The following HPSE2 variants were observed in gnomAD, a reference collection of about 807,000 sequenced individuals.
HPSE2 encodes the protein heparanase 2 (inactive).
In HPSE2, 38 loss-of-function variants were observed where a neutral mutation model predicts 60.5. The observed-to-expected ratio is 0.63, with a 90% CI of 0.48 to 0.82. The LOEUF is 0.82. Among genes scored for constraint, HPSE2 ranks in the 40% least tolerant of loss-of-function variants. The pLI is 0.00. For missense variants in HPSE2, 713 were observed against 740.4 expected (o/e 0.96, Z 0.43); for synonymous variants, 295 against 293.2 (o/e 1.01, Z -0.06).
chr10:99,052,952 CAT>C, intron 3 of HPSE2, among the ~76,000 whole-genome samples: 2 of 150,376 alleles, frequency 1.3e-5, no homozygotes, highest in Non-Finnish European at 3.0e-5. Flanking sequence ...GAAATTCAAA[CAT>C]ATAAAGAGAA....
intron 3 of HPSE2, among the ~76,000 whole-genome samples, chr10:99,010,592 A>G (rs1321859710): frequency 2.0e-5 from 3 of 152,194 alleles, no homozygotes; most frequent in Admixed American, 6.5e-5. Flanking sequence ...TGAGAGGCCA[A>G]CCTATTCTGG....
At chr10:99,104,519 C>G (rs558749771) in intron 3 of HPSE2, among the ~76,000 whole-genome samples, 1 of 152,250 alleles carries the variant, frequency 6.6e-6, no homozygotes, top group Non-Finnish European at 1.5e-5. Flanking sequence ...CCTCAACAAT[C>G]TAGAACTAGA....
chr10:99,055,434 G>C (rs1009339563), intron 3 of HPSE2, among the ~76,000 whole-genome samples: 1 of 152,072 alleles, frequency 6.6e-6, no homozygotes, highest in African/African-American at 2.4e-5. Context: ...GAAGAAGAGA[G>C]GGAAGAAATT....
In HPSE2 at chr10:98,459,856, T is replaced by C. The variant is rs565152827; in HGVS notation, c.1614-117A>G. 16 of 971,818 alleles carry C rather than the reference T, an allele frequency of 1.6e-5. No individual in the cohort carries two copies. In the South Asian group the frequency reaches 1.8e-4, roughly 11 times the overall value. The allele number at this position is 971,818 out of a possible 1,614,324, so 60.2% of individuals were successfully genotyped here. ...GATACACACACACAGCTGACACTTA[T>C]TGTTACTGGCTATGCCCTAGATTCT... On this transcript the variant is annotated intron_variant, in intron 11 of 11. Transcript: ENST00000370552.
At chr10:98,490,624 C>T (rs1257072000) in intron 9 of HPSE2, among the ~76,000 whole-genome samples, 1 of 152,108 alleles carries the variant, frequency 6.6e-6, no homozygotes, top group African/African-American at 2.4e-5. Flanking sequence ...TTGTTACTAA[C>T]ATGATCATCC....
At position 98,929,925 on chromosome 10, in the gene HPSE2, A is replaced by C. The variant is rs562200967; in HGVS notation, c.611-185869T>G. 1.4e-5 allele frequency among the ~76,000 whole-genome samples: 2 copies of C among 144,204 alleles called. 1 individual carries two copies. The highest frequency in any genetic ancestry group is 3.0e-5 in the Non-Finnish European group (2 of 67,166). The allele number at this position is 144,204 out of a possible 152,430, so 94.6% of individuals were successfully genotyped here. ...CATAGCCAATAAAATTTCAGTGCCCATAAATAAAGTTTTATTGGCTATTGG... is the reference window on the plus strand; with the variant it reads ...CATAGCCAATAAAATTTCAGTGCCCCTAAATAAAGTTTTATTGGCTATTGG... On this transcript the variant is annotated intron_variant, in intron 3 of 11. Transcript: ENST00000370552.
intron 2 of HPSE2, among the ~76,000 whole-genome samples, chr10:99,156,534 T>G (rs1445720489): frequency 9.9e-5 from 13 of 131,108 alleles, no homozygotes; most frequent in African/African-American, 3.3e-4. Flanking sequence ...GAAAAAGCCT[T>G]TGACAAAATT....
intron 10 of HPSE2, among the ~76,000 whole-genome samples, chr10:98,487,335 A>T (rs1205086954): frequency 6.6e-6 from 1 of 152,214 alleles, no homozygotes; most frequent in East Asian, 1.9e-4. Context: ...ACTCTACAAG[A>T]TCAGAAATGA....
intron 7 of HPSE2, among the ~76,000 whole-genome samples, chr10:98,624,044 T>G (rs1049155012): frequency 2.3e-4 from 35 of 152,308 alleles, no homozygotes; most frequent in African/African-American, 7.9e-4. Context: ...AACTAATTCA[T>G]TCAACAAATA....
At chr10:98,606,924 A>T (rs2133957274) in intron 9 of HPSE2, among the ~76,000 whole-genome samples, 1 of 152,302 alleles carries the variant, frequency 6.6e-6, no homozygotes, top group East Asian at 1.9e-4. Context: ...TGTGCCCTTA[A>T]TGTTTGCCAA....
In HPSE2 at chr10:98,493,722, T is replaced by C. The variant is rs536935411; in HGVS notation, c.1321-3526A>G. ...GTGCAGACAGCATAGAGTTGGATCC[T>C]GTTTTTCTTTTAAAATCTTTTCTGC... On this transcript the variant is annotated intron_variant, in intron 9 of 11. Transcript: ENST00000370552. Among the ~76,000 whole-genome samples the C allele has an allele frequency of 1.8e-4, 28 of 152,322 alleles. 2 individuals are homozygous for C. In the South Asian group the frequency reaches 5.8e-3, roughly 32 times the overall value.
At chr10:99,217,997 C>T (rs1849191404) in intron 2 of HPSE2, among the ~76,000 whole-genome samples, 1 of 152,000 alleles carries the variant, frequency 6.6e-6, no homozygotes, top group African/African-American at 2.4e-5. Context: ...GTAGCTGCCT[C>T]GTTGGGGTGT....
At chr10:99,037,266 G>A (rs1167332096) in intron 3 of HPSE2, among the ~76,000 whole-genome samples, 1 of 152,038 alleles carries the variant, frequency 6.6e-6, no homozygotes, top group Non-Finnish European at 1.5e-5. Context: ...TAGATCCTGG[G>A]ACACAAAAAG....
chr10:99,067,054 C>T lies in HPSE2; in HGVS notation c.610+77184G>A, dbSNP rs1393775809. On this transcript the variant is annotated intron_variant, in intron 3 of 11. Transcript: ENST00000370552. The stretch of plus-strand genomic sequence containing the variant: ...AGGAGCTATAGACCCTATGCAAATC[C>T]AAAATCCAATGGGGCAGTCAAATAT... Among the ~76,000 whole-genome samples the T allele has an allele frequency of 1.3e-5, 2 of 152,138 alleles. 1 individual carries two copies. Among genetic ancestry groups the T allele is most frequent in the Non-Finnish European group, 2.9e-5 (2 of 68,020 alleles).
At chr10:98,820,024 A>T (rs1439755201) in intron 3 of HPSE2, among the ~76,000 whole-genome samples, 1 of 152,140 alleles carries the variant, frequency 6.6e-6, no homozygotes, top group Non-Finnish European at 1.5e-5. Flanking sequence ...TTTTATAGTG[A>T]CATACTTTTA....
chr10:98,616,951 C>A (rs1945928231), intron 8 of HPSE2, among the ~76,000 whole-genome samples: 1 of 152,180 alleles, frequency 6.6e-6, no homozygotes, highest in African/African-American at 2.4e-5. Context: ...TGTGGTAGAA[C>A]TATAACATGA....
intron 3 of HPSE2, among the ~76,000 whole-genome samples, chr10:98,943,514 AC>A (rs1178018468): frequency 6.6e-6 from 1 of 151,738 alleles, no homozygotes; most frequent in Non-Finnish European, 1.5e-5. Context: ...CCTGTGTAGT[AC>A]CCCCCACATC....
intron 11 of HPSE2, among the ~76,000 whole-genome samples, chr10:98,464,826 G>A (rs879582175): frequency 6.6e-6 from 1 of 152,146 alleles, no homozygotes; most frequent in East Asian, 1.9e-4. Context: ...TATTGCTCTT[G>A]TTGGCTTGTG....
At chr10:99,036,396 A>T (rs1326536965) in intron 3 of HPSE2, among the ~76,000 whole-genome samples, 1 of 152,182 alleles carries the variant, frequency 6.6e-6, no homozygotes. Flanking sequence ...AATGAGACAT[A>T]TCTAAAAAAC....
Sources: allele counts gnomAD v4.1 joint callset (sites outside exome capture counted in the v4.1 genomes callset), GRCh38; gene constraint gnomAD v4.1.1; transcripts MANE v1.5; gene names NCBI Gene and HGNC (gene_info 2026-07-23, HGNC 2026-07-21).